Variants in TMEM67 observed in about 807,000 individuals in gnomAD.
TMEM67 encodes the protein transmembrane protein 67.
Under a neutral mutation model 136.6 loss-of-function variants are expected in TMEM67, and 124 were observed. That is an observed-to-expected ratio of 0.91 (90% CI 0.78 to 1.05). TMEM67 has a LOEUF of 1.05. Ranked by LOEUF, TMEM67 falls within the 50% of genes least tolerant of loss-of-function variation. The pLI is 0.00. For synonymous variants in TMEM67, 364 were observed against 390.5 expected, an observed-to-expected ratio of 0.93 and a Z score of 0.80; for missense variants, 1,107 against 1,178.4, an observed-to-expected ratio of 0.94 and a Z score of 0.89.
At position 93,791,382 on chromosome 8, in the gene TMEM67, G is replaced by A. The variant is rs554773875; in HGVS notation, c.1575+63G>A. 6 of 1,222,914 alleles carry A rather than the reference G, an allele frequency of 4.9e-6. No individual in the cohort carries two copies. The South Asian group carries it at 5.3e-5, about 11-fold the overall frequency. The allele number at this position is 1,222,914 out of a possible 1,614,324, so 75.8% of individuals were successfully genotyped here. ...ATTTTATAATTAAATGATTTCAGAT[G>A]TGCAAGAAGTTGCTAAAACAAATTT... On this transcript the variant is annotated intron_variant, in intron 15 of 27. Coordinates refer to ENST00000453321, the MANE Select transcript of TMEM67 (RefSeq NM_153704.6).
Position 93,755,767 on chromosome 8 carries a change from T to A in TMEM67, c.224-11T>A, listed in dbSNP as rs1272537781. 1 of 1,365,690 alleles carries A rather than the reference T, an allele frequency of 7.3e-7. No individual in the cohort carries two copies. The highest frequency in any genetic ancestry group is 1.5e-5 in the African/African-American group (1 of 67,142). 84.6% of individuals were successfully genotyped at this position (1,365,690 alleles called of 1,614,324 possible). ...TAAAATTGGCTTTTTTTTTTTTTTT[T>A]TTTTTTTTAGGAACTTCATGTGTAT... On this transcript the variant is annotated splice_polypyrimidine_tract_variant and intron_variant, in intron 1 of 27. Coordinates refer to ENST00000453321, the MANE Select transcript of TMEM67 (RefSeq NM_153704.6).
chr8:93,818,170 A>G (rs1331161169), downstream of TMEM67: 1 of 152,206 alleles, frequency 6.6e-6, no homozygotes. Context: ...TTTCCTGATC[A>G]TGTGCATAAT....
At position 93,791,281 on chromosome 8, in the gene TMEM67, T is replaced by C; in HGVS notation, c.1537T>C (p.Tyr513His). The part of the protein sequence containing the change: ...QSVKVSFSVT[Y>H]EMDHGEAHVQ... The stretch of plus-strand genomic sequence containing the variant: ...ATATCAGGTTTCTTTCTCAGTCACA[T>C]ATGAAATGGATCATGGAGAAGCACA... Residue 513 changes from tyrosine (Y) to histidine (H), a missense_variant, in exon 15 of 28, where the codon TAT (tyrosine) becomes CAT (histidine). Around this residue, in one of 3 missense-constraint regions of TMEM67, gnomAD observed 925 missense variants for 1,002.4 expected, o/e 0.92. Transcript: ENST00000453321. 6.2e-7 allele frequency: 1 copy of C among 1,607,142 alleles called. No homozygotes were observed. The highest frequency in any genetic ancestry group is 2.2e-5 in the East Asian group (1 of 44,706).
chr8:93,831,822 G>T, the TMEM67 span, among the ~76,000 whole-genome samples: 1 of 151,744 alleles, frequency 6.6e-6, no homozygotes, highest in Non-Finnish European at 1.5e-5. Flanking sequence ...CTGAATTCCT[G>T]TTTCTCTTGC....
intron 9 of TMEM67, 43 bp from the exon 10 acceptor site, chr8:93,781,615 T>C (rs1253857250): frequency 1.1e-6 from 1 of 944,878 alleles, no homozygotes; most frequent in African/African-American, 1.6e-5. Flanking sequence ...ATTGTATTAC[T>C]TTCAGAGTAT....
At chr8:93,820,214 A>G (rs965904215), downstream of TMEM67, among the ~76,000 whole-genome samples, 4 of 152,086 alleles carry the variant, frequency 2.6e-5, no homozygotes, top group Non-Finnish European at 5.9e-5. Flanking sequence ...GTGCCGTGCC[A>G]TCTGTTTCTA....
the TMEM67 span, among the ~76,000 whole-genome samples, chr8:93,825,066 C>T: frequency 4.6e-5 from 7 of 152,122 alleles, no homozygotes; most frequent in Non-Finnish European, 7.4e-5. Flanking sequence ...GCCTCAAGAC[C>T]GTTGTCATAA....
chr8:93,806,829 A>C (rs867847065), intron 23 of TMEM67, among the ~76,000 whole-genome samples: 35 of 152,192 alleles, frequency 2.3e-4, no homozygotes, highest in African/African-American at 8.2e-4. Context: ...AGGATAAAGA[A>C]TAGAAATCAT....
intron 7 of TMEM67, among the ~76,000 whole-genome samples, chr8:93,773,321 A>AG (rs1227610441): frequency 6.6e-6 from 1 of 152,152 alleles, no homozygotes; most frequent in Admixed American, 6.6e-5. Flanking sequence ...TCAGGGATGT[A>AG]GGGAGTGGCT....
chr8:93,798,488 T>C (rs1285765266), intron 20 of TMEM67, among the ~76,000 whole-genome samples: 2 of 152,246 alleles, frequency 1.3e-5, no homozygotes, highest in African/African-American at 4.8e-5. Flanking sequence ...ATGTTTGTGA[T>C]ACATATGCAG....
chr8:93,814,782 C>T (rs934043372), intron 26 of TMEM67, among the ~76,000 whole-genome samples: 15 of 151,908 alleles, frequency 9.9e-5, no homozygotes, highest in African/African-American at 2.4e-4. Context: ...CCACTGTGCC[C>T]GGCCTCATCA....
chr8:93,820,396 T>G (rs776102693), downstream of TMEM67, among the ~76,000 whole-genome samples: 7 of 152,174 alleles, frequency 4.6e-5, no homozygotes, highest in Admixed American at 1.3e-4. Flanking sequence ...CTCCATCACG[T>G]GCATGGAGTG....
Position 93,755,081 on chromosome 8 carries a change from A to G in TMEM67, c.167A>G (p.Asp56Gly), listed in dbSNP as rs1812506710. ...AAGTGCGACAACAACCAGTACTTTG[A>G]TATCTCCGCCCTCTCGTGTGTTCCT... ...PEKCDNNQYF[D>G]ISALSCVPCG... The change falls in exon 1 of 28, where the codon GAT becomes GGT. Residue 56 changes from aspartate to glycine, a missense_variant. By Grantham distance (94) the Asp-to-Gly change is moderately conservative. Around this residue, in one of 3 missense-constraint regions of TMEM67, gnomAD observed 178 missense variants for 159.2 expected, o/e 1.12. Coordinates refer to ENST00000453321, the MANE Select transcript of TMEM67 (RefSeq NM_153704.6). 2 of 1,614,098 alleles carry G rather than the reference A, an allele frequency of 1.2e-6. No homozygotes were observed. The highest frequency in any genetic ancestry group is 1.7e-6 in the Non-Finnish European group (2 of 1,180,030).
chr8:93,764,145 G>A (rs1239925411), intron 4 of TMEM67, among the ~76,000 whole-genome samples: 3 of 152,146 alleles, frequency 2.0e-5, no homozygotes, highest in Non-Finnish European at 2.9e-5. Context: ...TCTGTTAGTT[G>A]TCTGACCTTG....
At chr8:93,792,142 G>C (rs953822346) in intron 15 of TMEM67, 1 of 152,358 alleles carries the variant, frequency 6.6e-6, no homozygotes, top group African/African-American at 2.4e-5. Flanking sequence ...GAATACAGGG[G>C]TGAGCCACCA....
At chr8:93,761,446 A>T (rs1042755938) in intron 3 of TMEM67, among the ~76,000 whole-genome samples, 1 of 152,244 alleles carries the variant, frequency 6.6e-6, no homozygotes, top group Non-Finnish European at 1.5e-5. Flanking sequence ...TTAAAAATAC[A>T]GATTATCTTT....
chr8:93,813,427 C>T (rs770809014), intron 26 of TMEM67, among the ~76,000 whole-genome samples: 4 of 152,290 alleles, frequency 2.6e-5, no homozygotes, highest in Non-Finnish European at 5.9e-5. Context: ...GATCTGCCCA[C>T]CTCGGCCTCC....
chr8:93,767,558 T>C (rs1379539877), intron 6 of TMEM67, among the ~76,000 whole-genome samples: 1 of 152,240 alleles, frequency 6.6e-6, no homozygotes, highest in Non-Finnish European at 1.5e-5. Flanking sequence ...AAGAACTATC[T>C]CTTCTTCCCC....
chr8:93,803,816 C>T, intron 22 of TMEM67, 132 bp downstream of exon 22: 1 of 671,738 alleles, frequency 1.5e-6, no homozygotes, highest in Non-Finnish European at 2.7e-6. Flanking sequence ...GTTGTTAATT[C>T]CAGAGATAAT....
Sources: gnomAD v4.1 joint callset for allele counts (sites outside exome capture counted in the v4.1 genomes callset) on GRCh38, gnomAD v4.1.1 for gene constraint, gnomAD v4.1.1 regional missense constraint, MANE v1.5 for transcripts, NCBI Gene and HGNC (gene_info 2026-07-23, HGNC 2026-07-21) for gene names.